Variants in JAKMIP2 observed in about 807,000 individuals in gnomAD.
JAKMIP2 encodes janus kinase and microtubule interacting protein 2, also known as janus kinase and microtubule-interacting protein 2.
A neutral mutation model predicts 115.0 loss-of-function variants in JAKMIP2; 25 were observed. That is an observed-to-expected ratio of 0.22 (90% CI 0.16 to 0.30). JAKMIP2 has a LOEUF of 0.30. Ranked by LOEUF, JAKMIP2 falls within the 10% of genes least tolerant of loss-of-function variation. JAKMIP2 has a pLI of 1.00. For missense variants in JAKMIP2, 642 were observed against 957.6 expected (o/e 0.67, Z 4.35); for synonymous variants, 334 against 343.6 (o/e 0.97, Z 0.31).
intron 7 of JAKMIP2, among the ~76,000 whole-genome samples, chr5:147,643,359 C>A (rs1757972171): frequency 6.6e-6 from 1 of 152,082 alleles, no homozygotes; most frequent in African/African-American, 2.4e-5. Flanking sequence ...TCCCTCCTTG[C>A]AATTCAAGTC....
intron 1 of JAKMIP2, among the ~76,000 whole-genome samples, chr5:147,713,348 GA>G (rs1259008097): frequency 1.3e-5 from 2 of 151,918 alleles, no homozygotes; most frequent in Non-Finnish European, 1.5e-5. Flanking sequence ...GACAATATTA[GA>G]AAAAACAATA....
Position 147,632,717 on chromosome 5 carries a change from T to C in JAKMIP2, c.1739A>G (p.Gln580Arg), listed in dbSNP as rs1485539759. Residue 580 changes from glutamine (Q) to arginine (R), a missense_variant, in exon 13 of 22, where the codon CAG becomes CGG. Coordinates refer to ENST00000616793, the MANE Select transcript of JAKMIP2 (RefSeq NM_001270941.2). ...GTTTCGAAACTCCAGCAGCTCATTC[T>C]GGTCTCTGGCGTCCTGTAGTTCTTG... ...LQQELQDARD[Q>R]NELLEFRNLE... The C allele has an allele frequency of 6.2e-7, 1 of 1,613,142 alleles. No individual in the cohort carries two copies. The highest frequency in any genetic ancestry group is 2.2e-5 in the East Asian group (1 of 44,854).
chr5:147,674,523 G>C (rs917737354), intron 1 of JAKMIP2, among the ~76,000 whole-genome samples: 2 of 152,194 alleles, frequency 1.3e-5, no homozygotes, highest in Non-Finnish European at 2.9e-5. Context: ...GAGAGACGAG[G>C]TGAGATTTCG....
intron 1 of JAKMIP2, among the ~76,000 whole-genome samples, chr5:147,733,105 A>G (rs188901253): frequency 6.6e-6 from 1 of 152,342 alleles, no homozygotes; most frequent in Non-Finnish European, 1.5e-5. Flanking sequence ...AGATGGTATC[A>G]ATCGTTTCAT....
Position 147,737,825 on chromosome 5 carries a change from C to T in JAKMIP2, c.-149+44631G>A, listed in dbSNP as rs138319301. On this transcript the variant is annotated intron_variant, in intron 1 of 21. Transcript: ENST00000616793. Reference sequence around the variant, plus strand: ...AGTTCAGGAAATTTAGTTCTGAACACTACCTTAGAACTTCCTTTACAGAAC... The same window carrying T: ...AGTTCAGGAAATTTAGTTCTGAACATTACCTTAGAACTTCCTTTACAGAAC... Among the ~76,000 whole-genome samples the T allele has an allele frequency of 5.3e-5, 8 of 152,228 alleles. No homozygotes were observed. The East Asian group carries it at 1.5e-3, about 29-fold the overall frequency.
At chr5:147,619,991 C>G (rs1488937489) in intron 18 of JAKMIP2, among the ~76,000 whole-genome samples, 1 of 152,190 alleles carries the variant, frequency 6.6e-6, no homozygotes, top group African/African-American at 2.4e-5. Context: ...CTAGATCAGA[C>G]TCCCAAATGA....
At chr5:147,737,472 G>C (rs1354388666) in intron 1 of JAKMIP2, among the ~76,000 whole-genome samples, 1 of 152,006 alleles carries the variant, frequency 6.6e-6, no homozygotes, top group African/African-American at 2.4e-5. Flanking sequence ...ACACTGAGTG[G>C]GATCTTCCCA....
At chr5:147,674,027 TATAC>T (rs1362760378) in intron 1 of JAKMIP2, among the ~76,000 whole-genome samples, 12 of 152,162 alleles carry the variant, frequency 7.9e-5, no homozygotes, top group Non-Finnish European at 1.5e-4. Context: ...CAGACTTGTA[TATAC>T]ATACAACACT....
chr5:147,777,556 C>T (rs1002755612), intron 1 of JAKMIP2, among the ~76,000 whole-genome samples: 3 of 151,972 alleles, frequency 2.0e-5, no homozygotes, highest in Non-Finnish European at 2.9e-5. Context: ...GGCTTATGAG[C>T]GGTTCTCATC....
At chr5:147,745,011 T>A (rs925495066) in intron 1 of JAKMIP2, among the ~76,000 whole-genome samples, 2 of 143,826 alleles carry the variant, frequency 1.4e-5, no homozygotes, top group Admixed American at 1.5e-4. Flanking sequence ...TGAGCAGAGA[T>A]CATGCCACTG....
Position 147,782,509 on chromosome 5 carries a change from C to T in JAKMIP2, c.-202G>A. On this transcript the variant is annotated 5_prime_UTR_variant, in exon 1 of 22. The change abolishes an upstream ATG in the 5' untranslated region. Coordinates refer to ENST00000616793, the MANE Select transcript of JAKMIP2 (RefSeq NM_001270941.2). ...AGGAGGGAGAGATGCAAACTGAATC[C>T]ATTTTCCTTGTGACCGAGTCGGATG... 1 of 1,534,092 alleles carries T rather than the reference C, an allele frequency of 6.5e-7. No homozygotes were observed. Among genetic ancestry groups the T allele is most frequent in the Non-Finnish European group, 8.7e-7 (1 of 1,145,142 alleles).
chr5:147,691,814 G>C (rs940613326), intron 1 of JAKMIP2, among the ~76,000 whole-genome samples: 6 of 151,988 alleles, frequency 3.9e-5, no homozygotes, highest in African/African-American at 1.5e-4. Context: ...CTGTGCATGG[G>C]AGCGGTTAAG....
chr5:147,667,193 G>A (rs186999722), intron 2 of JAKMIP2, among the ~76,000 whole-genome samples: 1 of 152,182 alleles, frequency 6.6e-6, no homozygotes, highest in East Asian at 1.9e-4. Flanking sequence ...CAGGGTGAAG[G>A]GGAGAGCACT....
chr5:147,697,142 GA>G (rs1196512615), intron 1 of JAKMIP2, among the ~76,000 whole-genome samples: 2 of 152,126 alleles, frequency 1.3e-5, no homozygotes, highest in Non-Finnish European at 2.9e-5. Flanking sequence ...AGACTGGGAA[GA>G]AAAAGAGGCT....
At chr5:147,694,084 T>A (rs1025802336) in intron 1 of JAKMIP2, among the ~76,000 whole-genome samples, 23 of 152,150 alleles carry the variant, frequency 1.5e-4, no homozygotes, top group African/African-American at 5.3e-4. Flanking sequence ...TTAATATTTT[T>A]AAATTGGTAT....
At chr5:147,691,876 A>C (rs1178394880) in intron 1 of JAKMIP2, among the ~76,000 whole-genome samples, 1 of 151,892 alleles carries the variant, frequency 6.6e-6, no homozygotes, top group Non-Finnish European at 1.5e-5. Flanking sequence ...TTCCCTGTGC[A>C]TGTGTTTGTC....
chr5:147,609,560 GCT>G (rs1203592592), intron 20 of JAKMIP2, among the ~76,000 whole-genome samples: 1 of 152,154 alleles, frequency 6.6e-6, no homozygotes, highest in Non-Finnish European at 1.5e-5. Context: ...AGTCTGATGG[GCT>G]TCCCTTTGTG....
At position 147,781,308 on chromosome 5, in the gene JAKMIP2, T is replaced by C. The variant is rs562381279; in HGVS notation, c.-149+1148A>G. 2.0e-5 allele frequency among the ~76,000 whole-genome samples: 3 copies of C among 152,322 alleles called. No individual in the cohort carries two copies. In the South Asian group the frequency reaches 6.2e-4, roughly 32 times the overall value. On this transcript the variant is annotated intron_variant, in intron 1 of 21. Coordinates refer to ENST00000616793, the MANE Select transcript of JAKMIP2 (RefSeq NM_001270941.2). ...TCTGAGAGAACTGTGAAATGGTTCC[T>C]GGATACTGAAGGAATGAACATCAGA...
chr5:147,686,329 T>C (rs1760568235), intron 1 of JAKMIP2, among the ~76,000 whole-genome samples: 1 of 151,086 alleles, frequency 6.6e-6, no homozygotes, highest in African/African-American at 2.5e-5. Flanking sequence ...TGGAAATCAG[T>C]GTTGGTGGGG....
Sources: gnomAD v4.1 joint callset for allele counts (sites outside exome capture counted in the v4.1 genomes callset) on GRCh38, gnomAD v4.1.1 for gene constraint, MANE v1.5 for transcripts, NCBI Gene and HGNC (gene_info 2026-07-23, HGNC 2026-07-21) for gene names.